Variants in SFMBT1 observed in about 807,000 individuals in gnomAD.
The protein encoded by SFMBT1 is scm-like with four MBT domains protein 1.
In SFMBT1, 32 loss-of-function variants were observed where a neutral mutation model predicts 108.7. That is an observed-to-expected ratio of 0.29 (90% CI 0.22 to 0.40). The LOEUF (loss-of-function observed/expected upper bound fraction) is 0.40, where lower values mean the gene tolerates loss of function less well. Ranked by LOEUF, SFMBT1 falls within the 10% of genes least tolerant of loss-of-function variation. The probability of loss-of-function intolerance (pLI) is 1.00; values close to 1 mark genes in which losing one functional copy is unlikely to be tolerated. For missense variants in SFMBT1, 816 were observed against 1,059.6 expected (o/e 0.77, Z 3.19); for synonymous variants, 348 against 369.5 (o/e 0.94, Z 0.67).
In SFMBT1 at chr3:53,009,600, T is replaced by G. The variant is rs147747002; in HGVS notation, c.-131+36216A>C. On this transcript the variant is annotated intron_variant, in intron 1 of 20. Transcript: ENST00000394752. The stretch of plus-strand genomic sequence containing the variant: ...TTAAACACATGAATCACTTATTCAT[T>G]CAACAAATATTTACAGTTGACCCTT... 1.2e-3 allele frequency among the ~76,000 whole-genome samples: 180 copies of G among 152,270 alleles called. 3 individuals are homozygous for G. The highest frequency in any genetic ancestry group is 4.2e-3 in the African/African-American group (174 of 41,548).
At chr3:53,008,069 CA>C (rs11403096) in intron 1 of SFMBT1, among the ~76,000 whole-genome samples, 4,952 of 142,246 alleles carry the variant, frequency 0.035, 251 homozygotes, top group African/African-American at 0.12. Flanking sequence ...CCCACCCCCG[CA>C]AAAAAAAAAA....
intron 1 of SFMBT1, among the ~76,000 whole-genome samples, chr3:52,974,722 G>A (rs547500790): frequency 6.6e-6 from 1 of 151,864 alleles, no homozygotes; most frequent in East Asian, 1.9e-4. Flanking sequence ...CAGGCACGGT[G>A]GCTCACGCCT....
chr3:52,983,746 G>A (rs1704806952), intron 1 of SFMBT1, among the ~76,000 whole-genome samples: 1 of 152,208 alleles, frequency 6.6e-6, no homozygotes, highest in South Asian at 2.1e-4. Flanking sequence ...AGGCCACAGT[G>A]GTTGGAACAA....
At chr3:52,922,775 C>A (rs1031853667) in intron 10 of SFMBT1, among the ~76,000 whole-genome samples, 2 of 152,182 alleles carry the variant, frequency 1.3e-5, no homozygotes, top group Non-Finnish European at 2.9e-5. Context: ...ATCCTCTGGA[C>A]AGGGTAAAAG....
At chr3:53,032,360 A>G (rs542155077) in intron 1 of SFMBT1, among the ~76,000 whole-genome samples, 1 of 152,278 alleles carries the variant, frequency 6.6e-6, no homozygotes, top group South Asian at 2.1e-4. Context: ...ACAGAGCGAG[A>G]CCCTGTCTCA....
At chr3:53,017,458 G>A (rs905801067) in intron 1 of SFMBT1, among the ~76,000 whole-genome samples, 1 of 152,146 alleles carries the variant, frequency 6.6e-6, no homozygotes, top group African/African-American at 2.4e-5. Context: ...ATGAAATAGT[G>A]AGCAAAACAA....
intron 3 of SFMBT1, among the ~76,000 whole-genome samples, chr3:52,952,953 C>T (rs1401393325): frequency 6.6e-6 from 1 of 152,190 alleles, no homozygotes; most frequent in Admixed American, 6.5e-5. Flanking sequence ...AAGGTGGCAA[C>T]TATCTGCAAG....
intron 3 of SFMBT1, among the ~76,000 whole-genome samples, chr3:52,951,187 A>AC (rs1559523703): frequency 7.2e-6 from 1 of 138,042 alleles, no homozygotes; most frequent in African/African-American, 2.7e-5. Flanking sequence ...AAAAAAAAAA[A>AC]AAAAACACAC....
At chr3:53,035,765 T>C (rs1218665325) in intron 1 of SFMBT1, among the ~76,000 whole-genome samples, 1 of 152,148 alleles carries the variant, frequency 6.6e-6, no homozygotes, top group Non-Finnish European at 1.5e-5. Context: ...CCCAGCTAAT[T>C]TTTTATTAAA....
chr3:52,944,647 G>A (rs1439690818), intron 3 of SFMBT1, among the ~76,000 whole-genome samples: 1 of 151,938 alleles, frequency 6.6e-6, no homozygotes, highest in Non-Finnish European at 1.5e-5. Flanking sequence ...AGCCTCCTGA[G>A]TAGTTGGGGT....
chr3:52,936,982 C>T (rs539352041), intron 4 of SFMBT1, among the ~76,000 whole-genome samples: 2 of 148,228 alleles, frequency 1.3e-5, no homozygotes, highest in East Asian at 2.0e-4. Flanking sequence ...GCTGGGACTA[C>T]AGGCGCCCGC....
intron 1 of SFMBT1, among the ~76,000 whole-genome samples, chr3:53,032,155 AG>A (rs770911234): frequency 1.3e-5 from 2 of 152,224 alleles, no homozygotes; most frequent in Non-Finnish European, 2.9e-5. Flanking sequence ...GGAATGTTTG[AG>A]GTCAGGGGTT....
chr3:52,975,557 G>A (rs572724145), intron 1 of SFMBT1, among the ~76,000 whole-genome samples: 14 of 152,198 alleles, frequency 9.2e-5, no homozygotes, highest in East Asian at 3.9e-4. Flanking sequence ...TTAGCTAAAC[G>A]TGGTGACACA....
At chr3:52,926,335 A>G (rs1268184920) in intron 9 of SFMBT1, among the ~76,000 whole-genome samples, 2 of 152,260 alleles carry the variant, frequency 1.3e-5, no homozygotes, top group South Asian at 4.1e-4. Context: ...GACTCTGGAT[A>G]AATTTGTAAA....
intron 1 of SFMBT1, among the ~76,000 whole-genome samples, chr3:52,974,859 T>C (rs76203476): frequency 9.1e-6 from 1 of 110,296 alleles, no homozygotes; most frequent in Non-Finnish European, 2.0e-5. Context: ...AAAAAAAAAT[T>C]AGCTGAGTGT....
At chr3:52,917,104 CT>C (rs34505564) in intron 13 of SFMBT1, among the ~76,000 whole-genome samples, 107,245 of 151,924 alleles carry the variant, frequency 0.71, 38,297 homozygotes, top group South Asian at 0.87. Context: ...CAAGGTCAGT[CT>C]TTTTTTTCAT....
chr3:52,905,153 C>A lies in SFMBT1; in HGVS notation c.2584G>T (p.Glu862Ter). The change falls in exon 21 of 21, where the codon GAG becomes TAG. Residue 862 changes from glutamate (E) to a stop codon, truncating the protein, a stop_gained. Coordinates refer to ENST00000394752, the MANE Select transcript of SFMBT1 (RefSeq NM_016329.4). LOFTEE classifies it high-confidence loss of function. The part of the protein sequence containing the change: ...HIERIKFAFY[E>*]QFAN ...TGTCCTTCTCAGTTGGCAAACTGCT[C>A]ATAAAAAGCAAACTTGATCCTCTCT... is the stretch of plus-strand genomic sequence containing the variant. 6.2e-7 allele frequency: 1 copy of A among 1,613,662 alleles called. No homozygotes were observed. Among genetic ancestry groups the A allele is most frequent in the Non-Finnish European group, 8.5e-7 (1 of 1,179,838 alleles).
At chr3:52,982,729 C>CAAAAAAAAAAAAAAAAAAA (rs34099481) in intron 1 of SFMBT1, among the ~76,000 whole-genome samples, 3 of 69,112 alleles carry the variant, frequency 4.3e-5, no homozygotes, top group African/African-American at 1.3e-4. Context: ...ACTCCCATCT[C>CAAAAAAAAAAAAAAAAAAA]AAAAAAAAAA....
intron 1 of SFMBT1, among the ~76,000 whole-genome samples, chr3:53,011,892 G>A (rs1449495519): frequency 6.6e-6 from 1 of 152,182 alleles, no homozygotes; most frequent in Non-Finnish European, 1.5e-5. Flanking sequence ...TAGAAGAAAG[G>A]TTGGATTGTA....
Sources: allele counts gnomAD v4.1 joint callset (sites outside exome capture counted in the v4.1 genomes callset), GRCh38; gene constraint gnomAD v4.1.1; transcripts MANE v1.5; gene names NCBI Gene and HGNC (gene_info 2026-07-23, HGNC 2026-07-21).